CENATAC: variants seen among roughly 807,000 people sequenced by gnomAD.
CENATAC encodes the protein centrosomal AT-AC splicing factor, also known as coiled-coil domain containing 84.
CENATAC carries 53 observed loss-of-function variants against 53.7 expected under a neutral mutation model. The ratio of observed to expected loss-of-function variants is 0.99; its 90% CI spans 0.79 to 1.24. The LOEUF is 1.24. Among genes scored for constraint, CENATAC ranks in the 50% most tolerant of loss-of-function variants. The pLI is 0.00. For missense variants in CENATAC, 474 were observed against 417.8 expected (o/e 1.13, Z -1.17); for synonymous variants, 156 against 144.6 (o/e 1.08, Z -0.57).
chr11:118,998,176 G>T lies in CENATAC; in HGVS notation c.-22G>T. Reference sequence around the variant, plus strand: ...TGGCGTAGGATCGGCCGCTGGTGGTGGTGATACCGGGTACCCGGGCTATGG... The same window carrying T: ...TGGCGTAGGATCGGCCGCTGGTGGTTGTGATACCGGGTACCCGGGCTATGG... On this transcript the variant is annotated 5_prime_UTR_variant, in exon 1 of 11. Transcript: ENST00000334418. The T allele has an allele frequency of 1.3e-6, 2 of 1,570,276 alleles. No individual in the cohort carries two copies. The highest frequency in any genetic ancestry group is 2.4e-5 in the East Asian group (1 of 42,372).
rs782649186 is a variant in CENATAC at position 119,014,976 on chromosome 11, C to T, written c.716-18C>T. 1.5e-6 allele frequency: 2 copies of T among 1,363,886 alleles called. No homozygotes were observed. The highest frequency in any genetic ancestry group is 2.4e-5 in the East Asian group (1 of 41,826). The allele number at this position is 1,363,886 out of a possible 1,614,324, so 84.5% of individuals were successfully genotyped here. A position where few individuals can be genotyped will look rare whatever the true frequency, so the allele number is the denominator to read the frequency against. ...GAAGACTTAAAAAAAAAAAAAAAAG[C>T]CTTAATTTTTTTTTCAGGTGCCACA... On this transcript the variant is annotated intron_variant, in intron 8 of 10. Coordinates refer to ENST00000334418, the MANE Select transcript of CENATAC (RefSeq NM_198489.3).
Position 118,998,144 on chromosome 11 carries a change from C to T in CENATAC, c.-54C>T, listed in dbSNP as rs1942100232. On this transcript the variant is annotated 5_prime_UTR_variant, in exon 1 of 11. Coordinates refer to ENST00000334418, the MANE Select transcript of CENATAC (RefSeq NM_198489.3). ...ACCCCGAGGGGTCAGGGTCAGAGGC[C>T]GCCGGATGGCGTAGGATCGGCCGCT... 3.9e-6 allele frequency: 6 copies of T among 1,549,598 alleles called. No homozygotes were observed. The South Asian group carries it at 5.9e-5, about 15-fold the overall frequency.
chr11:119,013,198 T>C (rs998026843), intron 7 of CENATAC, 34 bp from the exon 8 acceptor site: 7 of 1,570,130 alleles, frequency 4.5e-6, no homozygotes, highest in Non-Finnish European at 6.1e-6. Flanking sequence ...GCCTAGACTT[T>C]AACTAGCACT....
Position 119,014,778 on chromosome 11 carries a change from T to A in CENATAC, c.716-216T>A, listed in dbSNP as rs76780792. The A allele has an allele frequency of 1.4e-3, 574 of 403,618 alleles. 2 individuals are homozygous for A. Among genetic ancestry groups the A allele is most frequent in the African/African-American group, 0.011 (519 of 48,366 alleles). 25.0% of individuals were successfully genotyped at this position (403,618 alleles called of 1,614,324 possible). Reference sequence around the variant, plus strand: ...ACCAAATTTAAGTGTGTATCGTTTATGTCAGTTGTGCCTCAAAGCCATTTT... The same window carrying A: ...ACCAAATTTAAGTGTGTATCGTTTAAGTCAGTTGTGCCTCAAAGCCATTTT... On this transcript the variant is annotated intron_variant, in intron 8 of 10. Coordinates refer to ENST00000334418, the MANE Select transcript of CENATAC (RefSeq NM_198489.3).
rs782193641 is a variant in CENATAC at position 119,011,957 on chromosome 11, C to G, written c.532C>G (p.Pro178Ala). Residue 178 changes from proline (P) to alanine (A), a missense_variant, in exon 6 of 11, where the codon CCA becomes GCA. By Grantham distance (27) the Pro-to-Ala change is conservative (BLOSUM62 -1). Transcript: ENST00000334418. ...SVLEPQAVPD[P>A]EEGSSAPRSW... is the part of the protein sequence containing the mutation. Reference sequence around the variant, plus strand: ...AACTCAGCCTCAGGCAGTGCCAGACCCAGAAGAGGGCTCTTCAGCACCTAG... The same window carrying G: ...AACTCAGCCTCAGGCAGTGCCAGACGCAGAAGAGGGCTCTTCAGCACCTAG... 16 of 1,613,926 alleles carry G rather than the reference C, an allele frequency of 9.9e-6. No individual in the cohort carries two copies. The East Asian group carries it at 1.1e-4, about 11-fold the overall frequency.
chr11:119,014,813 G>A (rs1943070687), intron 8 of CENATAC, 181 bp from the exon 9 acceptor site: 3 of 447,788 alleles, frequency 6.7e-6, no homozygotes, highest in South Asian at 9.3e-5. Context: ...TAAAATGACT[G>A]TCACATATGG....
chr11:119,008,898 C>T lies in CENATAC; in HGVS notation c.384-1866C>T, dbSNP rs867764765. On this transcript the variant is annotated intron_variant, in intron 3 of 10. Transcript: ENST00000334418. ...TTGTAAGTATTTTGTTAACAAGGCA[C>T]GTCCTACACAGCCCTAGGTCCCTTA... Among the ~76,000 whole-genome samples, 12 of 152,250 alleles carry T rather than the reference C, an allele frequency of 7.9e-5. No homozygotes were observed. The South Asian group carries it at 1.2e-3, about 16-fold the overall frequency.
chr11:119,015,427 G>A lies in CENATAC; in HGVS notation c.926G>A (p.Arg309His). 8 of 1,614,072 alleles carry A rather than the reference G, an allele frequency of 5.0e-6. No individual in the cohort carries two copies. Among genetic ancestry groups the A allele is most frequent in the East Asian group, 2.2e-5 (1 of 44,890 alleles). ...SFGRVWNNGRRWQSRHQFKTE... is the reference protein window; with the variant it reads ...SFGRVWNNGRHWQSRHQFKTE... ...GGCCGCGTCTGGAATAATGGACGCC[G>A]CTGGCAGTCCAGGTATGTGTGTTCA... is the stretch of plus-strand genomic sequence containing the variant. Residue 309 changes from arginine to histidine, a missense_variant, in exon 10 of 11, where the codon CGC becomes CAC. Transcript: ENST00000334418.
intron 8 of CENATAC, chr11:119,014,721 G>C: frequency 3.7e-6 from 1 of 272,264 alleles, no homozygotes; most frequent in Non-Finnish European, 6.8e-6. Context: ...GGATGTTTGG[G>C]GTCTAGATTG....
rs1220864017 is a variant in CENATAC, at chr11:119,015,319, A to G, written c.818A>G (p.Lys273Arg). 2.5e-6 allele frequency: 4 copies of G among 1,611,450 alleles called. No homozygotes were observed. In the Admixed American group the frequency reaches 6.8e-5, roughly 27 times the overall value. The change falls in exon 10 of 11, where the codon AAG becomes AGG. Residue 273 changes from lysine to arginine, a missense_variant. Physicochemically the swap from Lys to Arg is conservative, Grantham distance 26 (BLOSUM62 2). Coordinates refer to ENST00000334418, the MANE Select transcript of CENATAC (RefSeq NM_198489.3). ...TATCATTGTACAGAGGAAAAACAGA[A>G]GTTGAAAAAACTCCCCCCAGACCGA... ...EEFLKEKEKQ[K>R]LKKLPPDRVG...
chr11:118,998,249 C>A lies in CENATAC; in HGVS notation c.52C>A (p.Arg18Ser), dbSNP rs782106623. ...GTGCCGCCAGACCTTCTTCTGTGGTCGCGGGCACGTTTACAGCCGCAAGCA... is the reference window on the plus strand; with the variant it reads ...GTGCCGCCAGACCTTCTTCTGTGGTAGCGGGCACGTTTACAGCCGCAAGCA... ...PLCRQTFFCG[R>S]GHVYSRKHQR... Residue 18 changes from arginine to serine, a missense_variant, in exon 1 of 11, where the codon CGC becomes AGC. Coordinates refer to ENST00000334418, the MANE Select transcript of CENATAC (RefSeq NM_198489.3). The A allele has an allele frequency of 4.4e-5, 70 of 1,588,028 alleles. No individual in the cohort carries two copies. The South Asian group carries it at 7.9e-4, about 18-fold the overall frequency.
intron 3 of CENATAC, chr11:119,001,468 T>C (rs571616778): frequency 5.2e-6 from 2 of 383,714 alleles, no homozygotes; most frequent in African/African-American, 4.2e-5. Context: ...CTCGGCTCAC[T>C]GCAACCTCTG....
intron 3 of CENATAC, among the ~76,000 whole-genome samples, chr11:119,007,813 T>C (rs782554533): frequency 1.5e-4 from 23 of 152,194 alleles, no homozygotes; most frequent in Admixed American, 6.5e-4. Context: ...ACCTTGTAAA[T>C]TGTCAAACAT....
At chr11:119,007,128 A>G in intron 3 of CENATAC, among the ~76,000 whole-genome samples, 1 of 152,158 alleles carries the variant, frequency 6.6e-6, no homozygotes, top group East Asian at 1.9e-4. Flanking sequence ...TTCCAGATAA[A>G]TGAACTGTAG....
intron 3 of CENATAC, among the ~76,000 whole-genome samples, chr11:119,000,453 T>C (rs1942235925): frequency 6.6e-6 from 1 of 151,884 alleles, no homozygotes; most frequent in South Asian, 2.1e-4. Flanking sequence ...TTTTTTTTTT[T>C]TTACAGTGTT....
intron 8 of CENATAC, 177 bp from the exon 9 acceptor site, chr11:119,014,817 C>T (rs1445508701): frequency 2.1e-6 from 1 of 479,828 alleles, no homozygotes; most frequent in East Asian, 3.3e-5. Flanking sequence ...ATGACTGTCA[C>T]ATATGGGGTA....
Position 119,015,041 on chromosome 11 carries a change from A to G in CENATAC, c.763A>G (p.Asn255Asp). ...CCAAGATGAAGAATACATTGCTGGG[A>G]ACCAAGAAATAGGACCATCCTATGA... The part of the protein sequence containing the change: ...MIQDEEYIAG[N>D]QEIGPSYEEF... Residue 255 changes from asparagine to aspartate, a missense_variant, in exon 9 of 11, where the codon AAC becomes GAC. By Grantham distance (23) the Asn-to-Asp change is conservative. Transcript: ENST00000334418. 6.2e-7 allele frequency: 1 copy of G among 1,613,078 alleles called. No individual in the cohort carries two copies. Among genetic ancestry groups the G allele is most frequent in the South Asian group, 1.1e-5 (1 of 90,858 alleles).
At chr11:119,013,560 T>C (rs1433857190) in intron 8 of CENATAC, among the ~76,000 whole-genome samples, 2 of 149,186 alleles carry the variant, frequency 1.3e-5, no homozygotes, top group African/African-American at 4.9e-5. Context: ...GCCTCCCGGG[T>C]TCACGCCATT....
chr11:119,006,277 C>T (rs1942593629), intron 3 of CENATAC, among the ~76,000 whole-genome samples: 1 of 150,198 alleles, frequency 6.7e-6, no homozygotes, highest in Admixed American at 6.6e-5. Flanking sequence ...GTTCTGTCAC[C>T]CAAGCTGGAG....
Sources: allele counts gnomAD v4.1 joint callset (sites outside exome capture counted in the v4.1 genomes callset), GRCh38; gene constraint gnomAD v4.1.1; transcripts MANE v1.5; gene names NCBI Gene and HGNC (gene_info 2026-07-23, HGNC 2026-07-21).